The following ANK2 variants were observed in gnomAD, a reference collection of about 807,000 sequenced individuals.
The protein encoded by ANK2 is ankyrin-2.
A neutral mutation model predicts 360.5 loss-of-function variants in ANK2; 83 were observed. The ratio of observed to expected loss-of-function variants is 0.23; its 90% CI spans 0.19 to 0.28. The LOEUF (loss-of-function observed/expected upper bound fraction) is 0.28. ANK2 is among the 10% of genes least tolerant of loss of function. The pLI, the probability that ANK2 is intolerant of heterozygous loss-of-function variation, is 1.00. For missense variants in ANK2, 4,201 were observed against 4,795.7 expected, an observed-to-expected ratio of 0.88 and a Z score of 3.66; for synonymous variants, 1,740 against 1,759.5, an observed-to-expected ratio of 0.99 and a Z score of 0.28.
intron 2 of ANK2, among the ~76,000 whole-genome samples, chr4:112,922,920 G>T (rs2091864275): frequency 6.6e-6 from 1 of 152,050 alleles, no homozygotes; most frequent in African/African-American, 2.4e-5. Flanking sequence ...TATTATAAAA[G>T]ATAAGTTGTT....
At chr4:112,974,025 T>C (rs2040506398) in intron 2 of ANK2, among the ~76,000 whole-genome samples, 1 of 152,228 alleles carries the variant, frequency 6.6e-6, no homozygotes, top group African/African-American at 2.4e-5. Flanking sequence ...ACATAAATTG[T>C]TTGCAGCATC....
At chr4:112,761,252 CTG>C in the ANK2 span, among the ~76,000 whole-genome samples, 1 of 152,150 alleles carries the variant, frequency 6.6e-6, no homozygotes. Context: ...GAATTAGAAA[CTG>C]TGCCATTTAT....
chr4:112,725,939 A>C, the ANK2 span, among the ~76,000 whole-genome samples: 1 of 152,194 alleles, frequency 6.6e-6, no homozygotes, highest in East Asian at 1.9e-4. Flanking sequence ...TAAAAATTTA[A>C]AATATCAGGT....
intron 2 of ANK2, among the ~76,000 whole-genome samples, chr4:113,009,925 TACAC>T (rs3028929): frequency 2.0e-5 from 3 of 149,530 alleles, no homozygotes; most frequent in South Asian, 2.1e-4. Context: ...TTGTTGAGAG[TACAC>T]ACACACACAC....
At chr4:113,320,136 C>T (rs973755268) in intron 26 of ANK2, among the ~76,000 whole-genome samples, 1 of 152,106 alleles carries the variant, frequency 6.6e-6, no homozygotes, top group African/African-American at 2.4e-5. Context: ...CTCAATTACA[C>T]CCCAATTATG....
At chr4:113,016,417 GT>G (rs1273220262) in intron 2 of ANK2, among the ~76,000 whole-genome samples, 4 of 152,254 alleles carry the variant, frequency 2.6e-5, no homozygotes, top group African/African-American at 9.6e-5. Flanking sequence ...ATGCAAGACA[GT>G]TTTGGTATAA....
At chr4:112,791,476 C>CTTTTT in the ANK2 span, among the ~76,000 whole-genome samples, 2 of 98,276 alleles carry the variant, frequency 2.0e-5, no homozygotes, top group African/African-American at 4.7e-5. Flanking sequence ...TCTTCTTCTT[C>CTTTTT]TTCTTTTTTT....
chr4:113,284,213 T>C (rs1280593813), intron 18 of ANK2, among the ~76,000 whole-genome samples: 2 of 152,218 alleles, frequency 1.3e-5, no homozygotes, highest in Middle Eastern at 3.2e-3. Context: ...GTCTAGGGCA[T>C]GGGCGTCCTT....
chr4:112,977,708 T>C (rs1257018444), intron 2 of ANK2, among the ~76,000 whole-genome samples: 1 of 152,110 alleles, frequency 6.6e-6, no homozygotes, highest in African/African-American at 2.4e-5. Flanking sequence ...ATTAGGTATT[T>C]TTCCTAATGC....
At position 113,318,559 on chromosome 4, in the gene ANK2, C is replaced by T. The variant is rs199549621; in HGVS notation, c.2839C>T (p.Leu947=). 5 of 1,613,806 alleles carry T rather than the reference C, an allele frequency of 3.1e-6. No individual in the cohort carries two copies. In the East Asian group the frequency reaches 8.9e-5, roughly 29 times the overall value. Residue 947 remains leucine (L), a synonymous_variant, in exon 26 of 46, where the codon CTA becomes TTA. Coordinates refer to ENST00000357077, the MANE Select transcript of ANK2 (RefSeq NM_001148.6). The stretch of plus-strand genomic sequence containing the variant: ...GGAGGCAGAAAGGAATTCTTATCGC[C>T]TAAGCTGGGGCACTGAGAACTTAGA... ...AKEAERNSYR[L]SWGTENLDNV...
the ANK2 span, among the ~76,000 whole-genome samples, chr4:112,710,195 A>G: frequency 1.3e-5 from 2 of 152,184 alleles, no homozygotes; most frequent in Non-Finnish European, 2.9e-5. Flanking sequence ...TTAGGGATTT[A>G]AAATGTGGTC....
chr4:113,248,867 A>G (rs1456152875), intron 9 of ANK2, among the ~76,000 whole-genome samples: 1 of 152,092 alleles, frequency 6.6e-6, no homozygotes, highest in East Asian at 1.9e-4. Flanking sequence ...ACCTCAAATC[A>G]CCAGTAAATT....
chr4:113,158,213 T>C (rs1290325793), intron 1 of ANK2, among the ~76,000 whole-genome samples: 1 of 152,204 alleles, frequency 6.6e-6, no homozygotes, highest in Non-Finnish European at 1.5e-5. Flanking sequence ...TCACTGAAAC[T>C]GAATAAATAC....
chr4:113,196,300 G>C (rs905251985), intron 2 of ANK2, 68 bp from the exon 3 acceptor site: 4 of 1,201,736 alleles, frequency 3.3e-6, no homozygotes, highest in Non-Finnish European at 4.9e-6. Flanking sequence ...TTATATGCTT[G>C]AGTAGGATCA....
At chr4:113,208,733 G>C (rs888574808) in intron 4 of ANK2, among the ~76,000 whole-genome samples, 3 of 151,854 alleles carry the variant, frequency 2.0e-5, no homozygotes, top group East Asian at 1.9e-4. Flanking sequence ...GAACTCCTGG[G>C]TTCAAGCAGT....
chr4:113,051,935 A>G (rs2067236179), intron 1 of ANK2, among the ~76,000 whole-genome samples: 1 of 152,244 alleles, frequency 6.6e-6, no homozygotes, highest in South Asian at 2.1e-4. Flanking sequence ...TGTTTATTGC[A>G]ATAAGCCTTT....
At chr4:112,848,939 G>T (rs770607441) in intron 1 of ANK2, among the ~76,000 whole-genome samples, 5 of 152,236 alleles carry the variant, frequency 3.3e-5, no homozygotes, top group Admixed American at 6.5e-5. Flanking sequence ...GCAGTCTTCT[G>T]ATTCTGAATA....
At chr4:112,993,858 C>T (rs1025950272) in intron 2 of ANK2, among the ~76,000 whole-genome samples, 1 of 152,112 alleles carries the variant, frequency 6.6e-6, no homozygotes, top group Admixed American at 6.5e-5. Flanking sequence ...AGGCACGCAC[C>T]ACCATGCCCA....
At chr4:112,987,546 A>G (rs974621840) in intron 2 of ANK2, among the ~76,000 whole-genome samples, 9 of 152,210 alleles carry the variant, frequency 5.9e-5, no homozygotes, top group African/African-American at 2.2e-4. Flanking sequence ...TTGTGGCAGG[A>G]CAAGGAAATG....
Sources: allele counts gnomAD v4.1 joint callset (sites outside exome capture counted in the v4.1 genomes callset), GRCh38; gene constraint gnomAD v4.1.1; transcripts MANE v1.5; gene names NCBI Gene and HGNC (gene_info 2026-07-23, HGNC 2026-07-21).